Variants in CDCA4 observed in about 807,000 individuals in gnomAD.
The protein encoded by CDCA4 is cell division cycle associated 4, also known as cell division cycle-associated protein 4.
For missense variants in CDCA4, 294 were observed against 322.1 expected, an observed-to-expected ratio of 0.91 and a Z score of 0.67; for synonymous variants, 130 against 137.0, an observed-to-expected ratio of 0.95 and a Z score of 0.36.
At chr14:105,012,413 T>A (rs2140908482) in intron 1 of CDCA4, among the ~76,000 whole-genome samples, 1 of 152,326 alleles carries the variant, frequency 6.6e-6, no homozygotes, top group East Asian at 1.9e-4. Flanking sequence ...CACACACACG[T>A]ACCATTCTGA....
rs1900464452 is a variant in CDCA4 at position 105,010,320 on chromosome 14, A to AC, written c.*883_*884insG. 6.8e-6 allele frequency: 1 copy of AC among 147,490 alleles called. No homozygotes were observed. Among genetic ancestry groups the AC allele is most frequent in the South Asian group, 2.1e-4 (1 of 4,742 alleles). 9.1% of individuals were successfully genotyped at this position (147,490 alleles called of 1,614,324 possible). A position where few individuals can be genotyped will look rare whatever the true frequency, so the allele number is the denominator to read the frequency against. ...AGGGCAGGTGCATGGGCTGACCCTG[A>AC]TGGGAGCCTCCAGGAACACTGCCTT... On this transcript the variant is annotated 3_prime_UTR_variant, in exon 2 of 2. Coordinates refer to ENST00000336219, the MANE Select transcript of CDCA4 (RefSeq NM_017955.4).
rs1202339264 is a variant in CDCA4 at position 105,011,753 on chromosome 14, T to G, written c.177A>C (p.Ser59=). Residue 59 remains serine (S), a synonymous_variant, in exon 2 of 2, where the codon TCA becomes TCC. Transcript: ENST00000336219. ...HMLVEPNLCR[S]VLIANTVRQI... is the part of the protein sequence containing the mutation. ...GCCGGACCGTGTTGGCAATGAGGAC[T>G]GAGCGGCACAGGTTGGGCTCCACAA... is the stretch of plus-strand genomic sequence containing the variant. 2 of 1,613,640 alleles carry G rather than the reference T, an allele frequency of 1.2e-6. No homozygotes were observed. The highest frequency in any genetic ancestry group is 2.7e-5 in the African/African-American group (2 of 74,948).
At chr14:105,012,198 C>G (rs1900526271) in intron 1 of CDCA4, among the ~76,000 whole-genome samples, 1 of 152,192 alleles carries the variant, frequency 6.6e-6, no homozygotes. Context: ...TGTACCACGA[C>G]AGTGTTTTAT....
intron 1 of CDCA4, among the ~76,000 whole-genome samples, chr14:105,015,058 G>A (rs1051931856): frequency 1.3e-5 from 2 of 152,186 alleles, no homozygotes; most frequent in Non-Finnish European, 2.9e-5. Flanking sequence ...AATGGGACAG[G>A]CCAAGAAGAC....
chr14:105,011,006 C>G lies in CDCA4; in HGVS notation c.*198G>C, dbSNP rs533847771. On this transcript the variant is annotated 3_prime_UTR_variant, in exon 2 of 2. Transcript: ENST00000336219. Reference sequence around the variant, plus strand: ...AAGAAGCCTTCCAGAACAGCCTCTGCCTGGCGCTCCACAGGGGGGAGGTGA... The same window carrying G: ...AAGAAGCCTTCCAGAACAGCCTCTGGCTGGCGCTCCACAGGGGGGAGGTGA... 1 of 638,686 alleles carries G rather than the reference C, an allele frequency of 1.6e-6. No individual in the cohort carries two copies. Among genetic ancestry groups the G allele is most frequent in the African/African-American group, 1.8e-5 (1 of 54,434 alleles). 39.6% of individuals were successfully genotyped at this position (638,686 alleles called of 1,614,324 possible).
intron 1 of CDCA4, among the ~76,000 whole-genome samples, chr14:105,019,230 G>T (rs962208514): frequency 6.6e-6 from 1 of 152,212 alleles, no homozygotes; most frequent in African/African-American, 2.4e-5. Context: ...CGACATGGCA[G>T]GTGGAACAGC....
Position 105,011,823 on chromosome 14 carries a change from G to A in CDCA4, c.107C>T (p.Ser36Leu), listed in dbSNP as rs758793382. 33 of 1,613,720 alleles carry A rather than the reference G, an allele frequency of 2.0e-5. No individual in the cohort carries two copies. Among genetic ancestry groups the A allele is most frequent in the South Asian group, 3.3e-5 (3 of 91,092 alleles). ...TVSSYSLQRQ[S>L]LLDMSLVKLQ... Reference sequence around the variant, plus strand: ...CTTCACCAGAGACATGTCCAGGAGCGACTGCCGCTGCAGGCTGTATGAGGA... The same window carrying A: ...CTTCACCAGAGACATGTCCAGGAGCAACTGCCGCTGCAGGCTGTATGAGGA... Residue 36 changes from serine to leucine, a missense_variant, in exon 2 of 2, where the codon TCG becomes TTG. Ser to Leu is a moderately radical substitution (Grantham distance 145). Transcript: ENST00000336219.
chr14:105,013,149 T>C (rs1314397096), intron 1 of CDCA4, among the ~76,000 whole-genome samples: 1 of 151,998 alleles, frequency 6.6e-6, no homozygotes, highest in Non-Finnish European at 1.5e-5. Flanking sequence ...ACAGATGCAC[T>C]AGATGGACAT....
chr14:105,012,846 G>A (rs1900542739), intron 1 of CDCA4, among the ~76,000 whole-genome samples: 1 of 152,094 alleles, frequency 6.6e-6, no homozygotes, highest in African/African-American at 2.4e-5. Context: ...GCTCTGACCA[G>A]CCCGTACAAC....
At chr14:105,019,666 T>C (rs1272967512) in intron 1 of CDCA4, among the ~76,000 whole-genome samples, 1 of 152,326 alleles carries the variant, frequency 6.6e-6, no homozygotes, top group East Asian at 1.9e-4. Context: ...ACAAGTCTCC[T>C]GGAGGCTGTT....
At position 105,011,186 on chromosome 14, in the gene CDCA4, A is replaced by T; in HGVS notation, c.*18T>A. ...TGTCAATGCGTCAGAGGCGGCTGTG[A>T]GCACTCAGGGCTCCTGCTCAGGTCT... On this transcript the variant is annotated 3_prime_UTR_variant, in exon 2 of 2. Transcript: ENST00000336219. The T allele has an allele frequency of 6.3e-7, 1 of 1,588,080 alleles. No individual in the cohort carries two copies. Among genetic ancestry groups the T allele is most frequent in the Non-Finnish European group, 8.6e-7 (1 of 1,166,684 alleles).
chr14:105,020,372 G>C (rs1279773503), intron 1 of CDCA4, among the ~76,000 whole-genome samples: 1 of 152,240 alleles, frequency 6.6e-6, no homozygotes, highest in Non-Finnish European at 1.5e-5. Flanking sequence ...ATTCCAGCAA[G>C]CTGTCGGAGC....
chr14:105,018,737 ATTTTTTT>A (rs33997251), intron 1 of CDCA4, among the ~76,000 whole-genome samples: 111 of 144,684 alleles, frequency 7.7e-4, no homozygotes, highest in Non-Finnish European at 1.1e-3. Context: ...TCCCTGCTCA[ATTTTTTT>A]TTTTTTTTTT....
chr14:105,012,708 C>T (rs1900539281), intron 1 of CDCA4, among the ~76,000 whole-genome samples: 1 of 152,164 alleles, frequency 6.6e-6, no homozygotes, highest in Admixed American at 6.5e-5. Context: ...ATGCTGCCTG[C>T]CTTAGGGATC....
At chr14:105,013,858 C>CA (rs1223465493) in intron 1 of CDCA4, among the ~76,000 whole-genome samples, 1 of 152,114 alleles carries the variant, frequency 6.6e-6, no homozygotes, top group Non-Finnish European at 1.5e-5. Flanking sequence ...AATGTTCATG[C>CA]AAAAAACATG....
intron 1 of CDCA4, among the ~76,000 whole-genome samples, chr14:105,013,502 ACTT>A: frequency 6.6e-6 from 1 of 152,342 alleles, no homozygotes; most frequent in African/African-American, 2.4e-5. Flanking sequence ...AAACTTTGGA[ACTT>A]CTTTTTCTCT....
At chr14:105,016,876 G>A (rs990190211) in intron 1 of CDCA4, among the ~76,000 whole-genome samples, 3 of 152,246 alleles carry the variant, frequency 2.0e-5, no homozygotes, top group Non-Finnish European at 4.4e-5. Context: ...CACAGACGGA[G>A]CAGAGTGTCA....
rs538082895 is a variant in CDCA4 at position 105,009,861 on chromosome 14, T to A, written c.*1343A>T. 1 of 152,322 alleles carries A rather than the reference T, an allele frequency of 6.6e-6. No individual in the cohort carries two copies. Among genetic ancestry groups the A allele is most frequent in the African/African-American group, 2.4e-5 (1 of 41,562 alleles). The allele number at this position is 152,322 out of a possible 1,614,324, so 9.4% of individuals were successfully genotyped here. A position where few individuals can be genotyped will look rare whatever the true frequency, so the allele number is the denominator to read the frequency against. On this transcript the variant is annotated 3_prime_UTR_variant, in exon 2 of 2. Transcript: ENST00000336219. ...CCCCACCTTAGAAAGCACCACCAGA[T>A]AATACAGCAGAACTGATCCTGCAGA...
intron 1 of CDCA4, among the ~76,000 whole-genome samples, chr14:105,018,652 T>C (rs1037367367): frequency 5.9e-5 from 9 of 152,086 alleles, no homozygotes; most frequent in Non-Finnish European, 8.8e-5. Context: ...GACTTCTGCC[T>C]GAGGCTGCTT....
Sources: gnomAD v4.1 joint callset for allele counts (sites outside exome capture counted in the v4.1 genomes callset) on GRCh38, gnomAD v4.1.1 for gene constraint, MANE v1.5 for transcripts, NCBI Gene and HGNC (gene_info 2026-07-23, HGNC 2026-07-21) for gene names.